The following CDH19 variants were observed in gnomAD, a reference collection of about 807,000 sequenced individuals.
CDH19 encodes cadherin 19.
CDH19 carries 67 observed loss-of-function variants against 64.2 expected under a neutral mutation model. The ratio of observed to expected loss-of-function variants is 1.04; its 90% confidence interval spans 0.86 to 1.28. The LOEUF (loss-of-function observed/expected upper bound fraction) is 1.28. Among genes scored for constraint, CDH19 ranks in the 50% most tolerant of loss-of-function variants. CDH19 has a pLI of 0.00. For missense variants in CDH19, 1,030 were observed against 929.0 expected (o/e 1.11, Z -1.41); for synonymous variants, 346 against 319.3 (o/e 1.08, Z -0.89).
intron 2 of CDH19, among the ~76,000 whole-genome samples, chr18:66,569,281 ATAT>A (rs1988024658): frequency 2.0e-5 from 3 of 151,718 alleles, no homozygotes; most frequent in African/African-American, 7.2e-5. Context: ...TCTCATATCA[ATAT>A]TATGAAATAC....
At chr18:66,526,721 A>G (rs1242319749) in intron 9 of CDH19, among the ~76,000 whole-genome samples, 1 of 152,004 alleles carries the variant, frequency 6.6e-6, no homozygotes, top group Non-Finnish European at 1.5e-5. Context: ...ATCATTGTGC[A>G]TAAGTTTTTT....
In CDH19 at chr18:66,502,914, T is replaced by C. The variant is rs1271988766; in HGVS notation, c.*1898A>G. 2.0e-5 allele frequency: 3 copies of C among 151,956 alleles called. No individual in the cohort carries two copies. Among genetic ancestry groups the C allele is most frequent in the African/African-American group, 7.2e-5 (3 of 41,452 alleles). The allele number at this position is 151,956 out of a possible 1,614,324, so 9.4% of individuals were successfully genotyped here. A position where few individuals can be genotyped will look rare whatever the true frequency, so the allele number is the denominator to read the frequency against. On this transcript the variant is annotated 3_prime_UTR_variant, in exon 12 of 12. Coordinates refer to ENST00000262150, the MANE Select transcript of CDH19 (RefSeq NM_021153.4). ...TTTGTGTCACCAATTTAATGGTGCC[T>C]GTTTCAGATTGATGAAAAACTTTCT...
intron 9 of CDH19, among the ~76,000 whole-genome samples, chr18:66,516,332 A>G (rs1244371100): frequency 2.0e-5 from 3 of 152,016 alleles, no homozygotes; most frequent in African/African-American, 7.2e-5. Context: ...ATCCTATTGA[A>G]CAACTGCTTG....
At chr18:66,560,974 G>A (rs1001345004) in intron 3 of CDH19, among the ~76,000 whole-genome samples, 4 of 152,030 alleles carry the variant, frequency 2.6e-5, no homozygotes, top group African/African-American at 9.7e-5. Context: ...CTTTTTTAGA[G>A]AAGATTTTAA....
chr18:66,582,910 CA>C (rs1349643861), intron 1 of CDH19, among the ~76,000 whole-genome samples: 1 of 151,956 alleles, frequency 6.6e-6, no homozygotes, highest in Admixed American at 6.6e-5. Context: ...ACTGAGTGTG[CA>C]AAAGTTCTAA....
At chr18:66,559,787 C>T (rs529781653) in intron 3 of CDH19, among the ~76,000 whole-genome samples, 1 of 150,910 alleles carries the variant, frequency 6.6e-6, no homozygotes, top group African/African-American at 2.4e-5. Context: ...TAAACAAAAA[C>T]TGTAACCTCT....
chr18:66,501,083 T>C lies in CDH19; in HGVS notation c.*3729A>G, dbSNP rs1334148703. 1.3e-5 allele frequency: 2 copies of C among 152,088 alleles called. No individual in the cohort carries two copies. The highest frequency in any genetic ancestry group is 2.9e-5 in the Non-Finnish European group (2 of 68,022). 9.4% of individuals were successfully genotyped at this position (152,088 alleles called of 1,614,324 possible). A position where few individuals can be genotyped will look rare whatever the true frequency, so the allele number is the denominator to read the frequency against. ...CCACTAACTACTCAGTACTAACCCA[T>C]TTTGAAAAATACTTTAATTCCATAT... is the stretch of plus-strand genomic sequence containing the variant. On this transcript the variant is annotated 3_prime_UTR_variant, in exon 12 of 12. Transcript: ENST00000262150.
rs536873169 is a variant in CDH19, at chr18:66,547,604, A to G, written c.776-2701T>C. ...ACATGAGATGGGAAAATCTGTTGGA[A>G]AAAGAGGTTCAGAGGAGGGGCAGCT... On this transcript the variant is annotated intron_variant, in intron 5 of 11. Transcript: ENST00000262150. 4.7e-3 allele frequency among the ~76,000 whole-genome samples: 713 copies of G among 152,068 alleles called. 5 individuals carry two copies. Among genetic ancestry groups the G allele is most frequent in the Non-Finnish European group, 7.5e-3 (513 of 67,974 alleles).
chr18:66,581,463 G>C (rs1228907199), intron 1 of CDH19, among the ~76,000 whole-genome samples: 3 of 152,020 alleles, frequency 2.0e-5, no homozygotes, highest in Non-Finnish European at 4.4e-5. Context: ...ATTAACATTA[G>C]AGTCAGTGAA....
intron 3 of CDH19, among the ~76,000 whole-genome samples, chr18:66,562,142 T>C (rs1215025010): frequency 2.0e-5 from 3 of 151,722 alleles, no homozygotes; most frequent in African/African-American, 7.3e-5. Context: ...GGAGTGGGCA[T>C]GGGGATGGTC....
intron 6 of CDH19, 125 bp downstream of exon 6, chr18:66,544,594 A>G (rs1987028867): frequency 1.6e-6 from 1 of 637,940 alleles, no homozygotes; most frequent in East Asian, 2.9e-5. Context: ...CCTTGTCTCC[A>G]TAAAACATAA....
chr18:66,543,281 C>T (rs1254775643), intron 7 of CDH19, among the ~76,000 whole-genome samples: 1 of 152,034 alleles, frequency 6.6e-6, no homozygotes, highest in African/African-American at 2.4e-5. Context: ...CCCGCCTCGG[C>T]CTCCCAAAGT....
chr18:66,598,343 T>C (rs113309261), intron 1 of CDH19, among the ~76,000 whole-genome samples: 2,834 of 152,256 alleles, frequency 0.019, 92 homozygotes, highest in South Asian at 0.1. Context: ...TTATTAACTA[T>C]ATATTTGAAG....
chr18:66,597,910 G>A (rs1435214825), intron 1 of CDH19, among the ~76,000 whole-genome samples: 2 of 152,038 alleles, frequency 1.3e-5, no homozygotes, highest in African/African-American at 4.8e-5. Flanking sequence ...GAGGAAGGGG[G>A]AAGGATAGCA....
chr18:66,548,419 G>T (rs1987218197), intron 5 of CDH19, among the ~76,000 whole-genome samples: 1 of 151,606 alleles, frequency 6.6e-6, no homozygotes, highest in Non-Finnish European at 1.5e-5. Context: ...GATCATAAAG[G>T]AATGAGTATA....
intron 1 of CDH19, among the ~76,000 whole-genome samples, chr18:66,591,258 T>A (rs1056887259): frequency 1.3e-5 from 2 of 151,930 alleles, no homozygotes; most frequent in African/African-American, 2.4e-5. Context: ...AAACATGAGA[T>A]TTATTTAAAT....
At chr18:66,591,814 T>G (rs948429104) in intron 1 of CDH19, among the ~76,000 whole-genome samples, 1 of 151,894 alleles carries the variant, frequency 6.6e-6, no homozygotes, top group Non-Finnish European at 1.5e-5. Flanking sequence ...AGACATTTTT[T>G]GCACATTCTG....
At chr18:66,506,476 A>G (rs1003325068) in intron 11 of CDH19, among the ~76,000 whole-genome samples, 11 of 152,154 alleles carry the variant, frequency 7.2e-5, no homozygotes, top group Admixed American at 7.2e-4. Flanking sequence ...ATAAAAAAAG[A>G]CAAAAGTAGA....
chr18:66,557,370 C>T, intron 3 of CDH19, among the ~76,000 whole-genome samples: 1 of 151,982 alleles, frequency 6.6e-6, no homozygotes. Flanking sequence ...CCAAAAGTTA[C>T]TTCTTCAGTG....
Sources: gnomAD v4.1 joint callset for allele counts (sites outside exome capture counted in the v4.1 genomes callset) on GRCh38, gnomAD v4.1.1 for gene constraint, MANE v1.5 for transcripts, NCBI Gene and HGNC (gene_info 2026-07-23, HGNC 2026-07-21) for gene names.